Variants in CEACAM3 observed in about 807,000 individuals in gnomAD.
CEACAM3 encodes CEA cell adhesion molecule 3, also known as cell adhesion molecule CEACAM3.
A neutral mutation model predicts 30.1 loss-of-function variants in CEACAM3; 32 were observed. The ratio of observed to expected loss-of-function variants is 1.06; its 90% CI spans 0.80 to 1.43. CEACAM3 has a LOEUF of 1.43. Ranked by LOEUF, CEACAM3 falls within the 40% of genes most tolerant of loss-of-function variation. CEACAM3 has a pLI of 0.00. For synonymous variants in CEACAM3, 134 were observed against 127.2 expected (o/e 1.05, Z -0.36); for missense variants, 290 against 316.3 (o/e 0.92, Z 0.63).
At chr19:41,803,700 T>TACCTGTAGTGGGTAAATGGTCAGAGC (rs1600518381) in intron 2 of CEACAM3, among the ~76,000 whole-genome samples, 14 of 144,998 alleles carry the variant, frequency 9.7e-5, no homozygotes, top group East Asian at 2.1e-4. Flanking sequence ...CCTCCCAACC[T>TACCTGTAGTGGGTAAATGGTCAGAGC]CATGATCTGC....
At chr19:41,803,067 A>G in intron 2 of CEACAM3, among the ~76,000 whole-genome samples, 1 of 108,406 alleles carries the variant, frequency 9.2e-6, no homozygotes, top group East Asian at 2.5e-4. Context: ...TAAGGCAAAA[A>G]CAAAAAAAAA....
chr19:41,801,256 T>TA (rs1555825957), intron 2 of CEACAM3, among the ~76,000 whole-genome samples: 1 of 151,912 alleles, frequency 6.6e-6, no homozygotes, highest in East Asian at 1.9e-4. Context: ...TCCGGGGCAA[T>TA]AAAAAAAGGC....
chr19:41,810,371 C>T lies in CEACAM3; in HGVS notation c.627+17C>T. Reference sequence around the variant, plus strand: ...GCCTTCTCGGTAAGCCTGTCCCCTTCCAGCCCCTTTCTACTGGGGTCCCAG... The same window carrying T: ...GCCTTCTCGGTAAGCCTGTCCCCTTTCAGCCCCTTTCTACTGGGGTCCCAG... On this transcript the variant is annotated intron_variant, in intron 5 of 6. Transcript: ENST00000357396. 1 of 1,595,818 alleles carries T rather than the reference C, an allele frequency of 6.3e-7. No homozygotes were observed. Among genetic ancestry groups the T allele is most frequent in the Non-Finnish European group, 8.5e-7 (1 of 1,171,494 alleles).
intron 2 of CEACAM3, among the ~76,000 whole-genome samples, chr19:41,804,019 T>G (rs910340661): frequency 7.3e-5 from 11 of 151,466 alleles, no homozygotes; most frequent in African/African-American, 2.2e-4. Flanking sequence ...AGGTAGAGAT[T>G]GTAGTGAGCC....
At chr19:41,802,704 G>T (rs1329873136) in intron 2 of CEACAM3, among the ~76,000 whole-genome samples, 1 of 152,184 alleles carries the variant, frequency 6.6e-6, no homozygotes, top group Non-Finnish European at 1.5e-5. Flanking sequence ...AAGCGGGAGG[G>T]GGAAAGGAAT....
chr19:41,810,712 C>T, intron 5 of CEACAM3, 120 bp from the exon 6 acceptor site: 1 of 942,924 alleles, frequency 1.1e-6, no homozygotes, highest in Non-Finnish European at 1.7e-6. Context: ...AGCTCAGGGG[C>T]AGAGCTGGTC....
At chr19:41,810,968 G>A (rs560827514) in intron 6 of CEACAM3, 71 bp downstream of exon 6, 167 of 1,443,628 alleles carry the variant, frequency 1.2e-4, no homozygotes, top group Admixed American at 2.5e-4. Flanking sequence ...TACTGGCATC[G>A]GCTGAGCTCT....
intron 2 of CEACAM3, among the ~76,000 whole-genome samples, chr19:41,806,927 T>C (rs1396132542): frequency 6.6e-6 from 1 of 152,166 alleles, no homozygotes; most frequent in African/African-American, 2.4e-5. Context: ...GACCTCGTGA[T>C]ACGCCCGCCT....
At position 41,797,736 on chromosome 19, in the gene CEACAM3, A is replaced by G. The variant is rs781914514; in HGVS notation, c.212A>G (p.Glu71Gly). ...HLFGYSWYKG[E>G]RVDGNSLIVG... ...TTTGGCTACAGCTGGTACAAAGGGG[A>G]AAGAGTGGATGGCAACAGTCTAATT... The change falls in exon 2 of 7, where the codon GAA (glutamate) becomes GGA (glycine). Residue 71 changes from glutamate to glycine, a missense_variant. Physicochemically the swap from Glu to Gly is moderately conservative, Grantham distance 98 (BLOSUM62 -2). Coordinates refer to ENST00000357396, the MANE Select transcript of CEACAM3 (RefSeq NM_001815.5). The G allele has an allele frequency of 6.2e-7, 1 of 1,613,864 alleles. No homozygotes were observed. The highest frequency in any genetic ancestry group is 8.5e-7 in the Non-Finnish European group (1 of 1,179,952).
chr19:41,799,946 TCAC>T (rs2122993763), intron 2 of CEACAM3, among the ~76,000 whole-genome samples: 1 of 152,200 alleles, frequency 6.6e-6, no homozygotes, highest in African/African-American at 2.4e-5. Context: ...CTGGCACAGC[TCAC>T]CTGTGGGAAG....
Position 41,811,291 on chromosome 19 carries a change from C to A in CEACAM3, c.*54C>A. 2 of 1,478,188 alleles carry A rather than the reference C, an allele frequency of 1.4e-6. No homozygotes were observed. Among genetic ancestry groups the A allele is most frequent in the Non-Finnish European group, 9.4e-7 (1 of 1,058,800 alleles). 91.6% of individuals were successfully genotyped at this position (1,478,188 alleles called of 1,614,324 possible). ...GATGGAGAGTCCCCAAGGCCCCCAGCCCTGGGGATGGGGAAGGACATGAAG... is the reference window on the plus strand; with the variant it reads ...GATGGAGAGTCCCCAAGGCCCCCAGACCTGGGGATGGGGAAGGACATGAAG... On this transcript the variant is annotated 3_prime_UTR_variant, in exon 7 of 7. Coordinates refer to ENST00000357396, the MANE Select transcript of CEACAM3 (RefSeq NM_001815.5).
intron 2 of CEACAM3, chr19:41,807,421 C>T (rs900998575): frequency 9.2e-7 from 1 of 1,084,104 alleles, no homozygotes; most frequent in Non-Finnish European, 1.2e-6. Context: ...CCCAGGCTTC[C>T]AGCCCAAATC....
chr19:41,800,450 T>C (rs556630669), intron 2 of CEACAM3, among the ~76,000 whole-genome samples: 116 of 152,100 alleles, frequency 7.6e-4, no homozygotes, highest in African/African-American at 2.4e-3. Flanking sequence ...AGAGAAGACT[T>C]TGCTCCTCCA....
At chr19:41,806,508 A>T (rs190160192) in intron 2 of CEACAM3, among the ~76,000 whole-genome samples, 1,841 of 152,048 alleles carry the variant, frequency 0.012, 34 homozygotes, top group African/African-American at 0.038. Context: ...AGGGGATGTG[A>T]CTCCTGGTCC....
chr19:41,803,437 TG>T (rs2073168986), intron 2 of CEACAM3, among the ~76,000 whole-genome samples: 1 of 141,142 alleles, frequency 7.1e-6, no homozygotes, highest in South Asian at 2.4e-4. Context: ...TGTGTGTGTG[TG>T]TGTGTGTGTG....
chr19:41,810,531 C>T (rs900165570), intron 5 of CEACAM3, among the ~76,000 whole-genome samples, 177 bp downstream of exon 5: 16 of 152,148 alleles, frequency 1.1e-4, no homozygotes, highest in African/African-American at 2.7e-4. Flanking sequence ...GGACCACCCA[C>T]GCCCTGTGCT....
In CEACAM3 at chr19:41,808,729, C is replaced by T. The variant is rs1600522718; in HGVS notation, c.425-84C>T. The stretch of plus-strand genomic sequence containing the variant: ...CCCATGGCATCTCCTTCTTCCCTGA[C>T]TGCACACCTTCCCTGCAAGGCCCCT... On this transcript the variant is annotated intron_variant, in intron 2 of 6. Transcript: ENST00000357396. The T allele has an allele frequency of 8.4e-6, 9 of 1,070,416 alleles. No individual in the cohort carries two copies. The East Asian group carries it at 2.2e-4, about 26-fold the overall frequency. 66.3% of individuals were successfully genotyped at this position (1,070,416 alleles called of 1,614,324 possible).
Position 41,807,160 on chromosome 19 carries a change from G to A in CEACAM3, c.425-1653G>A, listed in dbSNP as rs547687500. ...CCAGCAACAACTCCAACCCCAAGGA[G>A]GACAAGGATGCTGTGGCCTTCACCT... On this transcript the variant is annotated intron_variant, in intron 2 of 6. Transcript: ENST00000357396. The A allele has an allele frequency of 5.0e-5, 77 of 1,540,244 alleles. No homozygotes were observed. In the Admixed American group the frequency reaches 1.5e-3, roughly 29 times the overall value.
In CEACAM3 at chr19:41,797,813, G is replaced by A. The variant is rs146460004; in HGVS notation, c.289G>A (p.Gly97Ser). Residue 97 changes from glycine to serine, a missense_variant, in exon 2 of 7, where the codon GGT (glycine) becomes AGT (serine). Physicochemically the swap from Gly to Ser is moderately conservative, Grantham distance 56. Coordinates refer to ENST00000357396, the MANE Select transcript of CEACAM3 (RefSeq NM_001815.5). ...AGCTACCCCAGGGGCCGCATACAGCGGTCGAGAGACAATATACACCAATGC... is the reference window on the plus strand; with the variant it reads ...AGCTACCCCAGGGGCCGCATACAGCAGTCGAGAGACAATATACACCAATGC... ...QQATPGAAYSGRETIYTNASL... is the reference protein window; with the variant it reads ...QQATPGAAYSSRETIYTNASL... The A allele has an allele frequency of 2.0e-5, 32 of 1,612,698 alleles. 2 individuals are homozygous for A. Among genetic ancestry groups the A allele is most frequent in the East Asian group, 8.9e-5 (4 of 44,884 alleles).
Sources: gnomAD v4.1 joint callset for allele counts (sites outside exome capture counted in the v4.1 genomes callset) on GRCh38, gnomAD v4.1.1 for gene constraint, MANE v1.5 for transcripts, NCBI Gene and HGNC (gene_info 2026-07-23, HGNC 2026-07-21) for gene names.